The following MAN2C1 variants were observed in gnomAD, a reference collection of about 807,000 sequenced individuals.
The protein encoded by MAN2C1 is alpha-mannosidase 2C1.
A neutral mutation model predicts 126.9 loss-of-function variants in MAN2C1; 111 were observed. The observed-to-expected ratio is 0.87, with a 90% confidence interval of 0.75 to 1.02. The LOEUF (loss-of-function observed/expected upper bound fraction) is 1.02. MAN2C1 is among the 50% of genes least tolerant of loss of function. The pLI is 0.00. For missense variants in MAN2C1, 1,363 were observed against 1,364.4 expected, an observed-to-expected ratio of 1.00 and a Z score of 0.02; for synonymous variants, 567 against 561.5, an observed-to-expected ratio of 1.01 and a Z score of -0.14.
At chr15:75,359,306 C>T (rs2072415673) in intron 17 of MAN2C1, 22 bp downstream of exon 17, 2 of 1,577,272 alleles carry the variant, frequency 1.3e-6, no homozygotes, top group Admixed American at 1.7e-5. Context: ...AGTTCCTGCC[C>T]CCCAGGGCAT....
chr15:75,364,959 G>A (rs1182839017), intron 4 of MAN2C1, among the ~76,000 whole-genome samples: 1 of 152,190 alleles, frequency 6.6e-6, no homozygotes, highest in African/African-American at 2.4e-5. Context: ...GCACTGCCTT[G>A]GTCTTGGAAC....
chr15:75,368,167 G>A lies in MAN2C1; in HGVS notation c.133C>T (p.Leu45Phe), dbSNP rs752153993. The change falls in exon 2 of 26, where the codon CTC (leucine) becomes TTC (phenylalanine). Residue 45 changes from leucine to phenylalanine, a missense_variant. By Grantham distance (22) the Leu-to-Phe change is conservative (BLOSUM62 0). This residue lies in a region of MAN2C1 where 628 missense variants were observed against 609.8 expected (regional missense o/e 1.03). Coordinates refer to ENST00000267978, the MANE Select transcript of MAN2C1 (RefSeq NM_006715.4). ...LFGASCPVAV[L>F]SSFLTPERLP... ...CTCTCCGGCGTCAGGAAGCTGGAGA[G>A]CACAGCCACAGGGCAGCTGGCCCCA... 1.2e-6 allele frequency: 2 copies of A among 1,604,254 alleles called. No homozygotes were observed. Among genetic ancestry groups the A allele is most frequent in the Admixed American group, 1.7e-5 (1 of 59,162 alleles).
At chr15:75,357,764 C>T (rs373027212) in intron 21 of MAN2C1, 4 of 182,700 alleles carry the variant, frequency 2.2e-5, no homozygotes, top group South Asian at 1.2e-4. Context: ...GGACTACAGG[C>T]GCCCACCACC....
At position 75,356,412 on chromosome 15, in the gene MAN2C1, G is replaced by A; in HGVS notation, c.2775C>T (p.Tyr925=). The A allele has an allele frequency of 6.2e-7, 1 of 1,609,168 alleles. No homozygotes were observed. Among genetic ancestry groups the A allele is most frequent in the East Asian group, 2.2e-5 (1 of 44,770 alleles). ...FQDAGVIQAA[Y]SLNFPLLALP... ...GAGCCAACAGGGGGAAGTTTAGGCT[G>A]TAGGCAGCTTGGATAACGCCAGCAT... Residue 925 remains tyrosine (Y), a synonymous_variant, in exon 24 of 26, where the codon TAC becomes TAT. Coordinates refer to ENST00000267978, the MANE Select transcript of MAN2C1 (RefSeq NM_006715.4). The surrounding 1 kb of genome is among the most constrained non-coding windows in gnomAD (Gnocchi z 5.8).
chr15:75,358,281 G>A lies in MAN2C1; in HGVS notation c.2467C>T (p.Gln823Ter). ...CCAAACTGGATCTCATAGGTGGCCT[G>A]GGAACTCCGCACGCGAGCAGGGAAC... The part of the protein sequence containing the change: ...VEFPARVRSS[Q>*]ATYEIQFGHL... Residue 823 changes from glutamine (Q) to a stop codon, truncating the protein, a stop_gained, in exon 21 of 26, where the codon CAG (glutamine) becomes TAG (stop). Coordinates refer to ENST00000267978, the MANE Select transcript of MAN2C1 (RefSeq NM_006715.4). LOFTEE classifies it high-confidence loss of function. 2 of 1,614,178 alleles carry A rather than the reference G, an allele frequency of 1.2e-6. No individual in the cohort carries two copies. The highest frequency in any genetic ancestry group is 2.7e-5 in the African/African-American group (2 of 75,042).
chr15:75,356,448 G>T lies in MAN2C1; in HGVS notation c.2739C>A (p.Gly913=), dbSNP rs752397356. The change falls in exon 24 of 26, where the codon GGC becomes GGA. Residue 913 remains glycine (G), a splice_region_variant and synonymous_variant. Transcript: ENST00000267978. The surrounding 1 kb of genome is among the most constrained non-coding windows in gnomAD (Gnocchi z 5.8). ...GGATAACGCCAGCATCCTGGAAAGA[G>T]CCTGGGGTACGACCAGGAAACAATG... ...EFTYALMPHK[G]SFQDAGVIQA... 9.4e-6 allele frequency: 15 copies of T among 1,597,516 alleles called. No individual in the cohort carries two copies. In the East Asian group the frequency reaches 3.4e-4, roughly 36 times the overall value.
chr15:75,365,258 A>G (rs943997630), intron 4 of MAN2C1, among the ~76,000 whole-genome samples: 3 of 152,192 alleles, frequency 2.0e-5, no homozygotes, highest in African/African-American at 7.2e-5. Flanking sequence ...CTTTGTTGGC[A>G]AGGGCTATTT....
At chr15:75,364,327 T>C in intron 5 of MAN2C1, 139 bp from the exon 6 acceptor site, 1 of 1,240,066 alleles carries the variant, frequency 8.1e-7, no homozygotes, top group Non-Finnish European at 1.1e-6. Context: ...CAGCACCGTC[T>C]CCCTCCTCCC....
At position 75,358,145 on chromosome 15, in the gene MAN2C1, G is replaced by A. The variant is rs568427510; in HGVS notation, c.2547+56C>T. ...TTCCTCCCCAGCCTGTTCCACACAA[G>A]CAGTCTCCCCAGCCAGGGAGGAGTC... is the stretch of plus-strand genomic sequence containing the variant. On this transcript the variant is annotated intron_variant, in intron 21 of 25. Transcript: ENST00000267978. 78 of 1,599,766 alleles carry A rather than the reference G, an allele frequency of 4.9e-5. No homozygotes were observed. The South Asian group carries it at 7.9e-4, about 16-fold the overall frequency.
chr15:75,356,584 C>T lies in MAN2C1; in HGVS notation c.2737+22G>A. On this transcript the variant is annotated intron_variant, in intron 23 of 25. Coordinates refer to ENST00000267978, the MANE Select transcript of MAN2C1 (RefSeq NM_006715.4). This position sits in a 1 kb window ranked among gnomAD's most constrained non-coding sequence, Gnocchi z 5.8. ...AGAGGTGTCTAGGGCTGCAGGAAGG[C>T]CCCACCGTCCCCAGCACTCACCCTT... The T allele has an allele frequency of 1.3e-6, 2 of 1,550,796 alleles. No homozygotes were observed. The highest frequency in any genetic ancestry group is 3.9e-5 in the Admixed American group (2 of 51,064).
chr15:75,360,560 C>T lies in MAN2C1; in HGVS notation c.1584+5G>A. ...CCCTGCACAGCCCTGCAACCTCCCC[C>T]TGACCTGGGCATGGGTGGTGTATGT... On this transcript the variant is annotated splice_donor_5th_base_variant and intron_variant, in intron 13 of 25. Transcript: ENST00000267978. 1 of 1,613,438 alleles carries T rather than the reference C, an allele frequency of 6.2e-7. No homozygotes were observed. Among genetic ancestry groups the T allele is most frequent in the Non-Finnish European group, 8.5e-7 (1 of 1,179,890 alleles).
chr15:75,359,529 G>C (rs2072422049), intron 16 of MAN2C1, 91 bp downstream of exon 16: 2 of 1,572,182 alleles, frequency 1.3e-6, no homozygotes, highest in Admixed American at 1.7e-5. Flanking sequence ...CTCCAGTCAG[G>C]GGCACCCAGA....
chr15:75,358,320 A>G lies in MAN2C1; in HGVS notation c.2428T>C (p.Phe810Leu), dbSNP rs773785379. The G allele has an allele frequency of 6.2e-7, 1 of 1,614,170 alleles. No homozygotes were observed. The highest frequency in any genetic ancestry group is 1.1e-5 in the South Asian group (1 of 91,090). Residue 810 changes from phenylalanine to leucine, a missense_variant, in exon 21 of 26, where the codon TTC becomes CTC. Phe to Leu is a conservative substitution (Grantham distance 22). Coordinates refer to ENST00000267978, the MANE Select transcript of MAN2C1 (RefSeq NM_006715.4). ...TEVHWHEAHK[F>L]LKVEFPARVR... is the part of the protein sequence containing the mutation. ...CGAGCAGGGAACTCCACCTTCAGGA[A>G]CTTGTGGGCCTCATGCCAGTGTACC...
At chr15:75,359,031 C>G in intron 18 of MAN2C1, 28 bp downstream of exon 18, 1 of 1,612,052 alleles carries the variant, frequency 6.2e-7, no homozygotes. Context: ...TTGCCAGGCA[C>G]TGGGAAAGGG....
In MAN2C1 at chr15:75,358,584, C is replaced by T. The variant is rs770563470; in HGVS notation, c.2281G>A (p.Val761Met). The change falls in exon 20 of 26, where the codon GTG (valine) becomes ATG (methionine). Residue 761 changes from valine to methionine, a missense_variant. Physicochemically the swap from Val to Met is conservative, Grantham distance 21. Transcript: ENST00000267978. ...CCCCGCAGGCCGCCCTCGGTGCCCA[C>T]TGCCAGGGTCCCTGCCTGGCCCAGC... ...PVLGQAGTLA[V>M]GTEGGLRGSA... 13 of 1,613,462 alleles carry T rather than the reference C, an allele frequency of 8.1e-6. No homozygotes were observed. The highest frequency in any genetic ancestry group is 9.3e-6 in the Non-Finnish European group (11 of 1,180,016).
At chr15:75,363,102 G>A (rs2072507921) in intron 6 of MAN2C1, 2 of 437,490 alleles carry the variant, frequency 4.6e-6, no homozygotes, top group South Asian at 1.6e-5. Context: ...GGGAACAGAG[G>A]CATGGCTCCC....
chr15:75,359,976 CAGA>C lies in MAN2C1; in HGVS notation c.1716_1718del (p.Leu573del), dbSNP rs766963781. ...CAGTCACCACATCATGGAACTGGTT[CAGA>C]AGAAGGAGCCTGCAGGGGCCAAGGG... is the stretch of plus-strand genomic sequence containing the variant. On this transcript the variant is annotated inframe_deletion, in exon 15 of 26. Transcript: ENST00000267978. The C allele has an allele frequency of 9.7e-5, 157 of 1,613,846 alleles. No individual in the cohort carries two copies. Among genetic ancestry groups the C allele is most frequent in the Non-Finnish European group, 1.3e-4 (151 of 1,179,926 alleles).
rs2072503927 is a variant in MAN2C1 at position 75,362,892 on chromosome 15, T to C, written c.791-144A>G. On this transcript the variant is annotated intron_variant, in intron 6 of 25. Coordinates refer to ENST00000267978, the MANE Select transcript of MAN2C1 (RefSeq NM_006715.4). The surrounding 1 kb of genome is among the most constrained non-coding windows in gnomAD (Gnocchi z 4.5). The stretch of plus-strand genomic sequence containing the variant: ...TGTGGTGTCCCTCCTAAGTGGTCAC[T>C]TCACTTCACTCCAGCGAGGTGGGAG... The C allele has an allele frequency of 1.2e-5, 8 of 662,938 alleles. No homozygotes were observed. Among genetic ancestry groups the C allele is most frequent in the Non-Finnish European group, 2.6e-6 (1 of 378,978 alleles). 41.1% of individuals were successfully genotyped at this position (662,938 alleles called of 1,614,324 possible).
At position 75,356,605 on chromosome 15, in the gene MAN2C1, C is replaced by A. The variant is rs1028837780; in HGVS notation, c.2737+1G>T. 1 of 1,559,140 alleles carries A rather than the reference C, an allele frequency of 6.4e-7. No individual in the cohort carries two copies. The highest frequency in any genetic ancestry group is 1.4e-5 in the African/African-American group (1 of 73,814). On this transcript the variant is annotated splice_donor_variant, in intron 23 of 25. Coordinates refer to ENST00000267978, the MANE Select transcript of MAN2C1 (RefSeq NM_006715.4). LOFTEE classifies it high-confidence loss of function. The surrounding 1 kb of genome is among the most constrained non-coding windows in gnomAD (Gnocchi z 5.8). ...AAGGCCCCACCGTCCCCAGCACTCA[C>A]CCTTGTGCGGCATCAGTGCATAGGT...
Sources: allele counts gnomAD v4.1 joint callset (sites outside exome capture counted in the v4.1 genomes callset), GRCh38; gene constraint gnomAD v4.1.1; regional missense constraint gnomAD v4.1.1; non-coding constraint Gnocchi (gnomAD v3.1); transcripts MANE v1.5; gene names NCBI Gene and HGNC (gene_info 2026-07-23, HGNC 2026-07-21).